The following TMEM178B variants were observed in gnomAD, a reference collection of about 807,000 sequenced individuals.
TMEM178B encodes transmembrane protein 178B.
TMEM178B carries 5 observed loss-of-function variants against 31.0 expected under a neutral mutation model. The observed-to-expected ratio is 0.16, with a 90% CI of 0.08 to 0.34. The LOEUF (loss-of-function observed/expected upper bound fraction) is 0.34, where lower values mean the gene tolerates loss of function less well. Ranked by LOEUF, TMEM178B falls within the 10% of genes least tolerant of loss-of-function variation. The probability of loss-of-function intolerance (pLI) is 1.00; values close to 1 mark genes in which losing one functional copy is unlikely to be tolerated. For missense variants in TMEM178B, 275 were observed against 400.3 expected (o/e 0.69, Z 2.67); for synonymous variants, 164 against 164.0 (o/e 1.00, Z 0.00).
At position 141,422,632 on chromosome 7, in the gene TMEM178B, C is replaced by G. The variant is rs567316895; in HGVS notation, c.497-14976C>G. 9.8e-4 allele frequency among the ~76,000 whole-genome samples: 149 copies of G among 152,240 alleles called. No individual in the cohort carries two copies. Among genetic ancestry groups the G allele is most frequent in the African/African-American group, 3.4e-3 (141 of 41,546 alleles). ...CATTGTTTCAGGCCACAGCTAGGCA[C>G]CCTCCCCTGTGTCCTCTAAATTCTA... On this transcript the variant is annotated intron_variant, in intron 2 of 3. Coordinates refer to ENST00000565468, the MANE Select transcript of TMEM178B (RefSeq NM_001195278.2). This position sits in a 1 kb window ranked among gnomAD's most constrained non-coding sequence, Gnocchi z 4.2.
chr7:141,186,832 G>T (rs927222627), intron 1 of TMEM178B, among the ~76,000 whole-genome samples: 6 of 152,188 alleles, frequency 3.9e-5, no homozygotes, highest in African/African-American at 9.7e-5. Context: ...GCCCTGCAGT[G>T]TCTTAGGGGT....
chr7:141,279,102 C>T (rs1286281758), intron 2 of TMEM178B, among the ~76,000 whole-genome samples: 2 of 152,028 alleles, frequency 1.3e-5, no homozygotes, highest in South Asian at 2.1e-4. Context: ...ATATGCTGAC[C>T]GTCGATGGGT....
chr7:141,245,850 C>T (rs945366084), intron 2 of TMEM178B, among the ~76,000 whole-genome samples: 2 of 152,052 alleles, frequency 1.3e-5, no homozygotes, highest in Non-Finnish European at 2.9e-5. Context: ...CATTATGGTC[C>T]GTGATAGAAA....
intron 2 of TMEM178B, among the ~76,000 whole-genome samples, chr7:141,392,713 A>G (rs1047672445): frequency 6.6e-6 from 1 of 151,954 alleles, no homozygotes; most frequent in African/African-American, 2.4e-5. Context: ...CTTTGACTCT[A>G]TCCAGTAGCT....
chr7:141,110,181 T>G (rs1795212022), intron 1 of TMEM178B, among the ~76,000 whole-genome samples: 1 of 152,242 alleles, frequency 6.6e-6, no homozygotes, highest in South Asian at 2.1e-4. Context: ...TGTTGTTTCT[T>G]TATTCATTCA....
chr7:141,368,071 C>T (rs1445515697), intron 2 of TMEM178B, among the ~76,000 whole-genome samples: 2 of 152,196 alleles, frequency 1.3e-5, no homozygotes, highest in East Asian at 3.9e-4. Flanking sequence ...GTAATCCCAG[C>T]ACTTTGGGAG....
intron 2 of TMEM178B, among the ~76,000 whole-genome samples, chr7:141,320,301 G>A (rs1799075804): frequency 6.6e-6 from 1 of 152,138 alleles, no homozygotes; most frequent in Admixed American, 6.5e-5. Flanking sequence ...AACTAATACA[G>A]TGGTGATTAC....
At chr7:141,438,696 TAAAAA>T (rs869132131) in intron 3 of TMEM178B, among the ~76,000 whole-genome samples, 914 of 28,950 alleles carry the variant, frequency 0.032, 23 homozygotes, top group African/African-American at 0.061. Context: ...CCGTCTCTAC[TAAAAA>T]AAAAAAAAAA....
intron 2 of TMEM178B, among the ~76,000 whole-genome samples, chr7:141,278,269 T>G (rs1348968593): frequency 5.3e-5 from 8 of 152,212 alleles, no homozygotes; most frequent in African/African-American, 1.9e-4. Context: ...GTGCATGGCT[T>G]GTGCATGGGC....
At chr7:141,332,188 GT>G (rs1223230140) in intron 2 of TMEM178B, among the ~76,000 whole-genome samples, 1 of 152,164 alleles carries the variant, frequency 6.6e-6, no homozygotes, top group African/African-American at 2.4e-5. Context: ...TTCATGCATA[GT>G]TTTGTTCATT....
At chr7:141,277,447 A>T (rs555038163) in intron 2 of TMEM178B, among the ~76,000 whole-genome samples, 2 of 152,174 alleles carry the variant, frequency 1.3e-5, no homozygotes, top group African/African-American at 4.8e-5. Context: ...TTCAGGGGCA[A>T]TGGCACACAG....
At chr7:141,403,164 C>T (rs2116622698) in intron 2 of TMEM178B, among the ~76,000 whole-genome samples, 1 of 152,304 alleles carries the variant, frequency 6.6e-6, no homozygotes, top group South Asian at 2.1e-4. Context: ...CACCCCTGGC[C>T]TTCCTACAGG....
intron 1 of TMEM178B, among the ~76,000 whole-genome samples, chr7:141,176,379 T>C (rs976957881): frequency 2.6e-5 from 4 of 152,244 alleles, no homozygotes; most frequent in Non-Finnish European, 5.9e-5. Context: ...ATTGAGGATT[T>C]TCACATCGAT....
In TMEM178B at chr7:141,191,831, T is replaced by C. The variant is rs146547058; in HGVS notation, c.383-20760T>C. ...AGGTTTTGCTATGTGAAATTTTGTA[T>C]TTTTACGTATTCAAATTTATCAGTA... On this transcript the variant is annotated intron_variant, in intron 1 of 3. Coordinates refer to ENST00000565468, the MANE Select transcript of TMEM178B (RefSeq NM_001195278.2). 1.1e-3 allele frequency among the ~76,000 whole-genome samples: 167 copies of C among 152,310 alleles called. 1 individual carries two copies. The highest frequency in any genetic ancestry group is 3.9e-3 in the African/African-American group (161 of 41,572).
At chr7:141,338,237 G>A (rs1233735392) in intron 2 of TMEM178B, among the ~76,000 whole-genome samples, 1 of 152,228 alleles carries the variant, frequency 6.6e-6, no homozygotes, top group Non-Finnish European at 1.5e-5. Context: ...TTTTGGTCAT[G>A]ATGTAGTTAA....
intron 1 of TMEM178B, among the ~76,000 whole-genome samples, chr7:141,108,559 A>G (rs1795182783): frequency 1.3e-5 from 2 of 152,138 alleles, no homozygotes. Context: ...CAAGATCATC[A>G]CCCAAGAGTG....
At chr7:141,086,275 G>A (rs750904548) in intron 1 of TMEM178B, among the ~76,000 whole-genome samples, 4 of 152,158 alleles carry the variant, frequency 2.6e-5, no homozygotes, top group Admixed American at 1.3e-4. Context: ...CAAGTGATCC[G>A]CCTGCCTTGG....
chr7:141,280,432 A>G (rs775448440), intron 2 of TMEM178B, among the ~76,000 whole-genome samples: 12 of 152,144 alleles, frequency 7.9e-5, no homozygotes, highest in Non-Finnish European at 1.6e-4. Context: ...GTGGTAGTGT[A>G]TAAGTCTCAT....
At chr7:141,494,945 GATA>G in the TMEM178B span, among the ~76,000 whole-genome samples, 2 of 152,172 alleles carry the variant, frequency 1.3e-5, no homozygotes, top group Non-Finnish European at 2.9e-5. Context: ...GTGATAAGTT[GATA>G]ACTATTGAAG....
Sources: gnomAD v4.1 joint callset for allele counts (sites outside exome capture counted in the v4.1 genomes callset) on GRCh38, gnomAD v4.1.1 for gene constraint, Gnocchi (gnomAD v3.1) non-coding constraint, MANE v1.5 for transcripts, NCBI Gene and HGNC (gene_info 2026-07-23, HGNC 2026-07-21) for gene names.